The following KLHL1 variants were observed in gnomAD, a reference collection of about 807,000 sequenced individuals.
KLHL1 encodes the protein kelch-like protein 1.
Under a neutral mutation model 77.7 loss-of-function variants are expected in KLHL1, and 47 were observed. The ratio of observed to expected loss-of-function variants is 0.60; its 90% CI spans 0.48 to 0.77. The LOEUF (loss-of-function observed/expected upper bound fraction) is 0.77, where lower values mean the gene tolerates loss of function less well. KLHL1 is among the 30% of genes least tolerant of loss of function. The pLI is 0.00. For missense variants in KLHL1, 925 were observed against 910.8 expected, an observed-to-expected ratio of 1.02 and a Z score of -0.20; for synonymous variants, 360 against 325.2, an observed-to-expected ratio of 1.11 and a Z score of -1.15.
At chr13:70,072,930 T>G (rs1478064366) in intron 1 of KLHL1, among the ~76,000 whole-genome samples, 1 of 152,010 alleles carries the variant, frequency 6.6e-6, no homozygotes, top group Non-Finnish European at 1.5e-5. Context: ...CTATGCAACA[T>G]CAAACCAGAA....
chr13:69,778,128 C>A (rs1270534679), intron 7 of KLHL1, among the ~76,000 whole-genome samples: 1 of 152,030 alleles, frequency 6.6e-6, no homozygotes, highest in African/African-American at 2.4e-5. Flanking sequence ...ATTTAAAATG[C>A]AGCCAAGGAT....
chr13:69,888,272 T>G (rs1051175474), intron 4 of KLHL1, among the ~76,000 whole-genome samples: 3 of 152,138 alleles, frequency 2.0e-5, no homozygotes, highest in African/African-American at 7.2e-5. Flanking sequence ...CAATGGGGAT[T>G]AGGTTTTAAC....
intron 1 of KLHL1, among the ~76,000 whole-genome samples, chr13:70,048,891 G>C (rs899876034): frequency 2.0e-5 from 3 of 152,094 alleles, no homozygotes; most frequent in African/African-American, 7.2e-5. Context: ...ACTTTGAAAG[G>C]GGCAGAAAGT....
intron 7 of KLHL1, among the ~76,000 whole-genome samples, chr13:69,770,946 C>G (rs1875533160): frequency 1.3e-5 from 2 of 152,104 alleles, no homozygotes; most frequent in South Asian, 2.1e-4. Flanking sequence ...TAGTCTATTT[C>G]TTGTTTATAT....
At chr13:69,984,843 T>G (rs1884817819) in intron 1 of KLHL1, among the ~76,000 whole-genome samples, 2 of 152,098 alleles carry the variant, frequency 1.3e-5, no homozygotes, top group African/African-American at 4.8e-5. Flanking sequence ...GCGTGGTGGC[T>G]CACACCTGTA....
intron 1 of KLHL1, among the ~76,000 whole-genome samples, chr13:70,029,513 A>T (rs1872309720): frequency 6.6e-6 from 1 of 152,202 alleles, no homozygotes; most frequent in Admixed American, 6.5e-5. Context: ...AAGCTTCATC[A>T]GTGAAGGAGA....
intron 1 of KLHL1, among the ~76,000 whole-genome samples, chr13:70,102,880 A>T (rs1887957214): frequency 6.6e-6 from 1 of 152,210 alleles, no homozygotes; most frequent in Non-Finnish European, 1.5e-5. Context: ...TTCATTTGAC[A>T]GTATTTATTG....
chr13:69,728,439 CAG>C (rs995389823), intron 8 of KLHL1, among the ~76,000 whole-genome samples: 13 of 151,580 alleles, frequency 8.6e-5, no homozygotes, highest in Admixed American at 7.2e-4. Context: ...TTGTTTGAGA[CAG>C]AGTCTCTGTC....
At chr13:70,041,559 A>G (rs984249891) in intron 1 of KLHL1, among the ~76,000 whole-genome samples, 1 of 152,108 alleles carries the variant, frequency 6.6e-6, no homozygotes, top group Admixed American at 6.5e-5. Context: ...TACTAGGTCT[A>G]TACTACTGTG....
At chr13:69,826,787 A>G (rs564441848) in intron 6 of KLHL1, among the ~76,000 whole-genome samples, 2 of 152,154 alleles carry the variant, frequency 1.3e-5, no homozygotes, top group East Asian at 3.9e-4. Context: ...TTCATTAAAT[A>G]ATGTGTTCTT....
At chr13:69,943,282 A>G (rs897074566) in intron 3 of KLHL1, among the ~76,000 whole-genome samples, 4 of 151,960 alleles carry the variant, frequency 2.6e-5, no homozygotes, top group Admixed American at 6.6e-5. Context: ...TGGATGATAG[A>G]TGGCTTTGCT....
intron 3 of KLHL1, among the ~76,000 whole-genome samples, chr13:69,941,087 C>T (rs183654517): frequency 4.0e-5 from 6 of 151,792 alleles, no homozygotes; most frequent in Admixed American, 3.9e-4. Flanking sequence ...AACAATGAAC[C>T]TAAACTATAC....
chr13:69,965,092 A>C (rs1884174940), intron 2 of KLHL1, among the ~76,000 whole-genome samples: 1 of 152,246 alleles, frequency 6.6e-6, no homozygotes, highest in Admixed American at 6.5e-5. Flanking sequence ...AAAATAAAAT[A>C]CAATTATTTG....
chr13:69,928,943 T>C (rs1467321508), intron 4 of KLHL1, among the ~76,000 whole-genome samples: 1 of 152,126 alleles, frequency 6.6e-6, no homozygotes, highest in African/African-American at 2.4e-5. Flanking sequence ...ATAAAAGATA[T>C]AAATTTGAAA....
At chr13:69,807,338 G>A (rs1877659081) in intron 6 of KLHL1, among the ~76,000 whole-genome samples, 1 of 152,056 alleles carries the variant, frequency 6.6e-6, no homozygotes, top group South Asian at 2.1e-4. Flanking sequence ...GGATGATATG[G>A]CAGCAGCTGC....
At chr13:69,805,477 A>T (rs1336775320) in intron 6 of KLHL1, among the ~76,000 whole-genome samples, 1 of 151,906 alleles carries the variant, frequency 6.6e-6, no homozygotes, top group Non-Finnish European at 1.5e-5. Context: ...AATAACTAAA[A>T]ATTTTTACCT....
intron 3 of KLHL1, among the ~76,000 whole-genome samples, chr13:69,950,812 C>T (rs1351064144): frequency 6.6e-6 from 1 of 151,464 alleles, no homozygotes; most frequent in Non-Finnish European, 1.5e-5. Context: ...TATTCTGTTG[C>T]TTAATGCATG....
chr13:69,930,837 T>A (rs879333759), intron 4 of KLHL1, among the ~76,000 whole-genome samples: 10 of 151,698 alleles, frequency 6.6e-5, no homozygotes, highest in Non-Finnish European at 1.3e-4. Flanking sequence ...GATTTATATA[T>A]TCAGTTAATG....
rs186679535 is a variant in KLHL1, at chr13:69,845,616, C to T, written c.1228-6454G>A. On this transcript the variant is annotated intron_variant, in intron 5 of 10. Transcript: ENST00000377844. ...ATGTGTATTGTTTCTATATACCTGACAAAATTTCAAGTACATTTTATAAAC... is the reference window on the plus strand; with the variant it reads ...ATGTGTATTGTTTCTATATACCTGATAAAATTTCAAGTACATTTTATAAAC... Among the ~76,000 whole-genome samples the T allele has an allele frequency of 1.2e-4, 18 of 151,498 alleles. No individual in the cohort carries two copies. In the East Asian group the frequency reaches 3.3e-3, roughly 28 times the overall value.
Sources: gnomAD v4.1 joint callset for allele counts (sites outside exome capture counted in the v4.1 genomes callset) on GRCh38, gnomAD v4.1.1 for gene constraint, MANE v1.5 for transcripts, NCBI Gene and HGNC (gene_info 2026-07-23, HGNC 2026-07-21) for gene names.